Variants in HFE observed in about 807,000 individuals in gnomAD.
HFE encodes homeostatic iron regulator.
In HFE, 36 loss-of-function variants were observed where a neutral mutation model predicts 40.9. The observed-to-expected ratio is 0.88, with a 90% CI of 0.67 to 1.16. HFE has a LOEUF of 1.16. Ranked by LOEUF, HFE falls within the 50% of genes most tolerant of loss-of-function variation. The probability of loss-of-function intolerance (pLI) is 0.00; values close to 1 mark genes in which losing one functional copy is unlikely to be tolerated. For synonymous variants in HFE, 157 were observed against 165.4 expected, an observed-to-expected ratio of 0.95 and a Z score of 0.39; for missense variants, 376 against 432.0, an observed-to-expected ratio of 0.87 and a Z score of 1.15.
chr6:26,091,950 G>A (rs375752900), intron 3 of HFE, among the ~76,000 whole-genome samples: 26 of 151,864 alleles, frequency 1.7e-4, no homozygotes, highest in African/African-American at 5.8e-4. Context: ...AGGCCGAGGC[G>A]GGTGGTCACA....
At position 26,092,843 on chromosome 6, in the gene HFE, A is replaced by G. The variant is rs1485517690; in HGVS notation, c.775A>G (p.Asn259Asp). The change falls in exon 4 of 6, where the codon AAT (asparagine) becomes GAT (aspartate). Residue 259 changes from asparagine to aspartate, a missense_variant. Asn to Asp is a conservative substitution (Grantham distance 23). Around this residue, in one of 3 missense-constraint regions of HFE, gnomAD observed 173 missense variants for 186.9 expected, o/e 0.93. Coordinates refer to ENST00000357618, the MANE Select transcript of HFE (RefSeq NM_000410.4). The stretch of plus-strand genomic sequence containing the variant: ...GTTCGAACCTAAAGACGTATTGCCC[A>G]ATGGGGATGGGACCTACCAGGGCTG... ...KEFEPKDVLPNGDGTYQGWIT... is the reference protein window; with the variant it reads ...KEFEPKDVLPDGDGTYQGWIT... 1 of 1,614,104 alleles carries G rather than the reference A, an allele frequency of 6.2e-7. No individual in the cohort carries two copies. Among genetic ancestry groups the G allele is most frequent in the African/African-American group, 1.3e-5 (1 of 74,932 alleles).
At chr6:26,092,443 A>G (rs990961372) in intron 3 of HFE, among the ~76,000 whole-genome samples, 2 of 152,180 alleles carry the variant, frequency 1.3e-5, no homozygotes, top group Non-Finnish European at 2.9e-5. Flanking sequence ...CTATCAGAAC[A>G]AAGAACATGG....
rs934229661 is a variant in HFE, at chr6:26,096,938, G to A, written c.*2712G>A. 4.7e-5 allele frequency: 10 copies of A among 212,366 alleles called. No homozygotes were observed. Among genetic ancestry groups the A allele is most frequent in the African/African-American group, 7.2e-5 (3 of 41,906 alleles). The allele number at this position is 212,366 out of a possible 1,614,324, so 13.2% of individuals were successfully genotyped here. A position where few individuals can be genotyped will look rare whatever the true frequency, so the allele number is the denominator to read the frequency against. On this transcript the variant is annotated 3_prime_UTR_variant, in exon 6 of 6. Coordinates refer to ENST00000357618, the MANE Select transcript of HFE (RefSeq NM_000410.4). ...CTAATTTCTTTACATTTTGTCTTACGGAATATTTTCATTCAACTGTGGTAG... is the reference window on the plus strand; with the variant it reads ...CTAATTTCTTTACATTTTGTCTTACAGAATATTTTCATTCAACTGTGGTAG...
In HFE at chr6:26,093,104, C is replaced by T. The variant is rs1222572514; in HGVS notation, c.893-15C>T. 6.2e-7 allele frequency: 1 copy of T among 1,613,662 alleles called. No individual in the cohort carries two copies. Among genetic ancestry groups the T allele is most frequent in the Non-Finnish European group, 8.5e-7 (1 of 1,179,582 alleles). On this transcript the variant is annotated splice_polypyrimidine_tract_variant and intron_variant, in intron 4 of 5. Transcript: ENST00000357618. ...GGTGGCAATCAAAGGCTTTAACTTG[C>T]TTTTTCTGTTTTAGAGCCCTCACCG...
chr6:26,094,982 G>C lies in HFE; in HGVS notation c.*756G>C, dbSNP rs1762958150. 6.4e-6 allele frequency: 1 copy of C among 157,388 alleles called. No homozygotes were observed. Among genetic ancestry groups the C allele is most frequent in the Non-Finnish European group, 1.4e-5 (1 of 70,960 alleles). 9.7% of individuals were successfully genotyped at this position (157,388 alleles called of 1,614,324 possible). On this transcript the variant is annotated 3_prime_UTR_variant, in exon 6 of 6. Coordinates refer to ENST00000357618, the MANE Select transcript of HFE (RefSeq NM_000410.4). ...GCAAAGTTTAATGGTGCCTTCATTT[G>C]GGATGCTACTCTAGTATTCCAGACC...
At chr6:26,092,984 A>C (rs1251356945) in intron 4 of HFE, 24 bp downstream of exon 4, 3 of 1,613,882 alleles carry the variant, frequency 1.9e-6, no homozygotes, top group Middle Eastern at 3.4e-4. Context: ...GAGAGCCAGG[A>C]GCTGAGAAAA....
At position 26,090,981 on chromosome 6, in the gene HFE, C is replaced by G. The variant is rs1450662478; in HGVS notation, c.217C>G (p.Pro73Ala). ...GAGTCGCCGTGTGGAGCCCCGAACT[C>G]CATGGGTTTCCAGTAGAATTTCAAG... ...HESRRVEPRT[P>A]WVSSRISSQM... The change falls in exon 2 of 6, where the codon CCA becomes GCA. Residue 73 changes from proline (P) to alanine (A), a missense_variant. Transcript: ENST00000357618. The G allele has an allele frequency of 2.7e-5, 44 of 1,614,074 alleles. No homozygotes were observed. The highest frequency in any genetic ancestry group is 2.7e-4 in the Admixed American group (16 of 60,008).
chr6:26,091,284 T>G, intron 2 of HFE, 30 bp from the exon 3 acceptor site: 2 of 1,614,034 alleles, frequency 1.2e-6, no homozygotes, highest in Non-Finnish European at 1.7e-6. Context: ...TTCCTTTGGT[T>G]GCAGTTAACA....
At chr6:26,089,108 T>TGGGGGGGGGGGGGGG (rs60292295) in intron 1 of HFE, among the ~76,000 whole-genome samples, 1 of 56,360 alleles carries the variant, frequency 1.8e-5, no homozygotes, top group Admixed American at 2.1e-4. Context: ...TGTGTGTGTG[T>TGGGGGGGGGGGGGGG]GGGGGGGGGG....
rs201885016 is a variant in HFE at position 26,091,362 on chromosome 6, A to G, written c.389A>G (p.Asn130Ser). 20 of 1,614,030 alleles carry G rather than the reference A, an allele frequency of 1.2e-5. 1 individual carries two copies. Among genetic ancestry groups the G allele is most frequent in the Admixed American group, 1.7e-5 (1 of 59,994 alleles). Reference protein sequence around the residue: ...VILGCEMQEDNSTEGYWKYGY... With the variant: ...VILGCEMQEDSSTEGYWKYGY... Reference sequence around the variant, plus strand: ...CTGGGCTGTGAAATGCAAGAAGACAACAGTACCGAGGGCTACTGGAAGTAC... The same window carrying G: ...CTGGGCTGTGAAATGCAAGAAGACAGCAGTACCGAGGGCTACTGGAAGTAC... Residue 130 changes from asparagine to serine, a missense_variant, in exon 3 of 6, where the codon AAC (asparagine) becomes AGC (serine). This residue lies in a region of HFE where 200 missense variants were observed against 228.5 expected (regional missense o/e 0.88). Transcript: ENST00000357618.
chr6:26,087,658 G>T, intron 1 of HFE, 142 bp downstream of exon 1: 1 of 702,938 alleles, frequency 1.4e-6, no homozygotes, highest in South Asian at 1.8e-5. Context: ...TACTTTCTGC[G>T]TCCAGACCCC....
intron 1 of HFE, among the ~76,000 whole-genome samples, chr6:26,090,559 C>G (rs2113747336): frequency 6.7e-6 from 1 of 148,774 alleles, no homozygotes. Flanking sequence ...CACACCTTAA[C>G]ATTTTCTAGA....
At chr6:26,092,542 A>T in intron 3 of HFE, 143 bp from the exon 4 acceptor site, 2 of 1,461,312 alleles carry the variant, frequency 1.4e-6, no homozygotes, top group Non-Finnish European at 1.9e-6. Flanking sequence ...ATCTTAGGAC[A>T]CAAAATGGTG....
At chr6:26,091,615 C>T (rs760118975) in intron 3 of HFE, 26 bp downstream of exon 3, 1 of 1,611,020 alleles carries the variant, frequency 6.2e-7, no homozygotes, top group Non-Finnish European at 8.5e-7. Context: ...ACTTCTGCCC[C>T]TATACTCTAG....
Position 26,092,801 on chromosome 6 carries a change from C to G in HFE, c.733C>G (p.Pro245Ala), listed in dbSNP as rs140515012. 1.9e-6 allele frequency: 3 copies of G among 1,614,088 alleles called. No homozygotes were observed. The highest frequency in any genetic ancestry group is 2.5e-6 in the Non-Finnish European group (3 of 1,180,048). ...ITMKWLKDKQPMDAKEFEPKD... is the reference protein window; with the variant it reads ...ITMKWLKDKQAMDAKEFEPKD... Reference sequence around the variant, plus strand: ...CATGAAGTGGCTGAAGGATAAGCAGCCAATGGATGCCAAGGAGTTCGAACC... The same window carrying G: ...CATGAAGTGGCTGAAGGATAAGCAGGCAATGGATGCCAAGGAGTTCGAACC... Residue 245 changes from proline to alanine, a missense_variant, in exon 4 of 6, where the codon CCA becomes GCA. By Grantham distance (27) the Pro-to-Ala change is conservative. Around this residue, in one of 3 missense-constraint regions of HFE, gnomAD observed 173 missense variants for 186.9 expected, o/e 0.93. Transcript: ENST00000357618.
chr6:26,097,731 G>A lies in HFE; in HGVS notation c.*3505G>A, dbSNP rs1407880144. The A allele has an allele frequency of 6.6e-6, 1 of 152,186 alleles. No individual in the cohort carries two copies. Among genetic ancestry groups the A allele is most frequent in the African/African-American group, 2.4e-5 (1 of 41,438 alleles). 9.4% of individuals were successfully genotyped at this position (152,186 alleles called of 1,614,324 possible). On this transcript the variant is annotated 3_prime_UTR_variant, in exon 6 of 6. Coordinates refer to ENST00000357618, the MANE Select transcript of HFE (RefSeq NM_000410.4). Reference sequence around the variant, plus strand: ...AACAAACCACTCTGATAATCATTGAGTCAAGTACAGCAGGTGATTGAGGAC... The same window carrying A: ...AACAAACCACTCTGATAATCATTGAATCAAGTACAGCAGGTGATTGAGGAC...
At chr6:26,093,450 C>T (rs1762872564) in intron 5 of HFE, among the ~76,000 whole-genome samples, 1 of 152,100 alleles carries the variant, frequency 6.6e-6, no homozygotes, top group African/African-American at 2.4e-5. Context: ...TTTGCAAGAG[C>T]TGTTTAAGGT....
At chr6:26,088,438 A>G (rs879928420) in intron 1 of HFE, among the ~76,000 whole-genome samples, 2 of 152,246 alleles carry the variant, frequency 1.3e-5, no homozygotes, top group African/African-American at 4.8e-5. Flanking sequence ...GGTTACAAAG[A>G]ACATAAATAA....
intron 2 of HFE, 92 bp from the exon 3 acceptor site, chr6:26,091,222 A>G (rs1027109986): frequency 3.1e-6 from 5 of 1,605,464 alleles, no homozygotes; most frequent in Admixed American, 1.7e-5. Flanking sequence ...GAGGGAAGGA[A>G]TTTGCTTCCT....
Sources: gnomAD v4.1 joint callset for allele counts (sites outside exome capture counted in the v4.1 genomes callset) on GRCh38, gnomAD v4.1.1 for gene constraint, gnomAD v4.1.1 regional missense constraint, MANE v1.5 for transcripts, NCBI Gene and HGNC (gene_info 2026-07-23, HGNC 2026-07-21) for gene names.